The following DAB1 variants were observed in gnomAD, a reference collection of about 807,000 sequenced individuals.
DAB1 encodes the protein DAB adaptor protein 1.
In DAB1, 15 loss-of-function variants were observed where a neutral mutation model predicts 64.6. The observed-to-expected ratio is 0.23, with a 90% CI of 0.16 to 0.36. The LOEUF is 0.36. DAB1 is among the 10% of genes least tolerant of loss of function. The pLI is 1.00. For missense variants in DAB1, 596 were observed against 706.7 expected (o/e 0.84, Z 1.78); for synonymous variants, 235 against 251.9 (o/e 0.93, Z 0.64).
chr1:58,509,701 T>A (rs1490828820), intron 2 of DAB1, among the ~76,000 whole-genome samples: 4 of 148,084 alleles, frequency 2.7e-5, no homozygotes, highest in East Asian at 4.0e-4. Flanking sequence ...TAGAAAAAAA[T>A]TAAAACTAAG....
intron 9 of DAB1, among the ~76,000 whole-genome samples, chr1:57,061,274 AAT>A (rs900043310): frequency 2.0e-5 from 3 of 151,646 alleles, no homozygotes; most frequent in Admixed American, 2.0e-4. Context: ...GGGTTATAGA[AAT>A]GGACATTGAT....
At chr1:58,510,741 A>G (rs896261791) in intron 2 of DAB1, among the ~76,000 whole-genome samples, 5 of 152,152 alleles carry the variant, frequency 3.3e-5, no homozygotes. Context: ...CACACAAAAA[A>G]AAACCCTGCT....
At chr1:57,536,896 T>C (rs1002800914) in intron 7 of DAB1, among the ~76,000 whole-genome samples, 22 of 152,196 alleles carry the variant, frequency 1.4e-4, no homozygotes, top group Non-Finnish European at 2.5e-4. Flanking sequence ...CATGGGGAAT[T>C]GTGCCATGTC....
chr1:58,462,301 T>C (rs1645252040), intron 3 of DAB1, among the ~76,000 whole-genome samples: 1 of 151,958 alleles, frequency 6.6e-6, no homozygotes, highest in East Asian at 1.9e-4. Flanking sequence ...TAATTTTTTG[T>C]ATTTTTAGTA....
At chr1:57,820,006 A>G (rs1652046399) in intron 6 of DAB1, among the ~76,000 whole-genome samples, 1 of 152,104 alleles carries the variant, frequency 6.6e-6, no homozygotes. Flanking sequence ...GGCTTCTTTC[A>G]AAGTATTTCC....
upstream of DAB1, among the ~76,000 whole-genome samples, chr1:57,424,365 G>T (rs1470872157): frequency 6.6e-6 from 1 of 151,804 alleles, no homozygotes; most frequent in Non-Finnish European, 1.5e-5. Flanking sequence ...GAGCGGGGGC[G>T]CCGCGGCTTG....
intron 1 of DAB1, among the ~76,000 whole-genome samples, chr1:57,296,357 T>C (rs1673192048): frequency 6.6e-6 from 1 of 152,106 alleles, no homozygotes; most frequent in South Asian, 2.1e-4. Flanking sequence ...TCTCTGTCCA[T>C]TAAGAGGGCC....
At chr1:57,676,861 C>T (rs991298354) in intron 6 of DAB1, among the ~76,000 whole-genome samples, 4 of 152,168 alleles carry the variant, frequency 2.6e-5, no homozygotes, top group Admixed American at 1.3e-4. Context: ...TCTCCTTTCT[C>T]TAAAGCTTTT....
intron 5 of DAB1, among the ~76,000 whole-genome samples, chr1:57,958,345 C>T (rs1156339563): frequency 6.6e-6 from 1 of 152,138 alleles, no homozygotes; most frequent in East Asian, 1.9e-4. Flanking sequence ...GAAAGATCTG[C>T]ATTCATTCAT....
intron 4 of DAB1, among the ~76,000 whole-genome samples, chr1:58,175,233 A>G (rs1656400959): frequency 1.3e-5 from 2 of 152,184 alleles, no homozygotes; most frequent in Non-Finnish European, 2.9e-5. Context: ...AGGAATAAAC[A>G]ACTCCGGATG....
chr1:57,525,938 T>TC (rs1004996054), intron 7 of DAB1, among the ~76,000 whole-genome samples: 3 of 144,324 alleles, frequency 2.1e-5, no homozygotes, highest in Non-Finnish European at 4.5e-5. Context: ...AAATAGCATT[T>TC]CTTTTTTTTT....
At position 58,374,078 on chromosome 1, in the gene DAB1, C is replaced by T. The variant is rs7550064; in HGVS notation, n.258-30675G>A. Among the ~76,000 whole-genome samples, 2 of 28,158 alleles carry T rather than the reference C, an allele frequency of 7.1e-5. 1 individual carries two copies. Among genetic ancestry groups the T allele is most frequent in the South Asian group, 3.2e-3 (2 of 622 alleles). The allele number at this position is 28,158 out of a possible 152,430, so 18.5% of individuals were successfully genotyped here. On this transcript the variant is annotated intron_variant and non_coding_transcript_variant, in intron 3 of 20. Coordinates refer to the DAB1 transcript ENST00000485760. ...GAGTTCATTGTAGATTCTGGATATA[C>T]GCCCTTTGTCAGATGAGTAGGTTGC...
intron 5 of DAB1, among the ~76,000 whole-genome samples, chr1:58,023,699 T>G (rs112088449): frequency 6.6e-6 from 1 of 152,184 alleles, no homozygotes; most frequent in African/African-American, 2.4e-5. Context: ...TTTTAAAATG[T>G]TGTGAGATAA....
intron 3 of DAB1, among the ~76,000 whole-genome samples, chr1:58,361,863 C>CCTT (rs1557739869): frequency 2.4e-5 from 2 of 84,046 alleles, no homozygotes; most frequent in South Asian, 5.2e-4. Context: ...AAAGATCCCC[C>CCTT]TTTTTTTTTT....
intron 2 of DAB1, among the ~76,000 whole-genome samples, chr1:57,196,567 A>G (rs1049606600): frequency 1.3e-5 from 2 of 152,190 alleles, no homozygotes; most frequent in Admixed American, 6.5e-5. Context: ...TTAGCCCAAC[A>G]CGGGTGTAGG....
chr1:57,194,570 C>T (rs951621372), intron 2 of DAB1, among the ~76,000 whole-genome samples: 1 of 152,172 alleles, frequency 6.6e-6, no homozygotes, highest in Non-Finnish European at 1.5e-5. Context: ...AAAGCCCTTT[C>T]CCTTTCTGAG....
intron 2 of DAB1, among the ~76,000 whole-genome samples, chr1:57,185,328 TACA>T (rs1210332815): frequency 6.6e-6 from 1 of 152,164 alleles, no homozygotes; most frequent in African/African-American, 2.4e-5. Context: ...GAAGACCAGT[TACA>T]ACAAGTTGGT....
At chr1:58,353,588 C>G (rs1313163551) in intron 3 of DAB1, among the ~76,000 whole-genome samples, 2 of 152,120 alleles carry the variant, frequency 1.3e-5, no homozygotes, top group East Asian at 3.8e-4. Context: ...AAGTCAAGGT[C>G]TTTGTAGAAA....
chr1:57,988,414 T>C, intron 5 of DAB1, among the ~76,000 whole-genome samples: 1 of 152,194 alleles, frequency 6.6e-6, no homozygotes, highest in East Asian at 1.9e-4. Context: ...ATGAAATGTA[T>C]CTCAGATTGG....
Sources: allele counts gnomAD v4.1 joint callset (sites outside exome capture counted in the v4.1 genomes callset), GRCh38; gene constraint gnomAD v4.1.1; transcripts MANE v1.5; gene names NCBI Gene and HGNC (gene_info 2026-07-23, HGNC 2026-07-21).